ROBO2: variants seen among roughly 807,000 people sequenced by gnomAD.
The protein encoded by ROBO2 is roundabout guidance receptor 2, also known as roundabout homolog 2.
In ROBO2, 53 loss-of-function variants were observed where a neutral mutation model predicts 160.8. That is an observed-to-expected ratio of 0.33 (90% CI 0.26 to 0.41). The LOEUF is 0.41. Among genes scored for constraint, ROBO2 ranks in the 10% least tolerant of loss-of-function variants. The pLI is 1.00. For missense variants in ROBO2, 1,577 were observed against 1,722.4 expected (o/e 0.92, Z 1.49); for synonymous variants, 664 against 611.7 (o/e 1.09, Z -1.26).
At chr3:76,027,191 C>G (rs1336772578) in intron 2 of ROBO2, among the ~76,000 whole-genome samples, 1 of 151,880 alleles carries the variant, frequency 6.6e-6, no homozygotes, top group Non-Finnish European at 1.5e-5. Context: ...TCTGTAACAG[C>G]ATAAGCTGTT....
At chr3:77,524,758 A>C (rs952774598) in intron 6 of ROBO2, among the ~76,000 whole-genome samples, 2 of 151,314 alleles carry the variant, frequency 1.3e-5, no homozygotes, top group African/African-American at 4.8e-5. Context: ...AACTTACAAA[A>C]CTAATAGAGA....
intron 23 of ROBO2, among the ~76,000 whole-genome samples, chr3:77,627,738 G>A (rs1256469443): frequency 6.6e-6 from 1 of 152,118 alleles, no homozygotes; most frequent in Non-Finnish European, 1.5e-5. Flanking sequence ...TACTTAATAG[G>A]TAGACAAATA....
chr3:76,375,053 A>T (rs538935997), intron 2 of ROBO2, among the ~76,000 whole-genome samples: 178 of 151,898 alleles, frequency 1.2e-3, no homozygotes, highest in African/African-American at 4.1e-3. Flanking sequence ...TGATATCTAT[A>T]AAGAGATATT....
At chr3:75,921,875 G>A (rs1176820662) in intron 1 of ROBO2, among the ~76,000 whole-genome samples, 2 of 152,112 alleles carry the variant, frequency 1.3e-5, no homozygotes, top group African/African-American at 4.8e-5. Flanking sequence ...AATGGTATAT[G>A]TGTAGAACAA....
intron 2 of ROBO2, among the ~76,000 whole-genome samples, chr3:76,306,733 C>T (rs1054149358): frequency 6.6e-6 from 1 of 152,080 alleles, no homozygotes; most frequent in African/African-American, 2.4e-5. Context: ...CTTAAAATAC[C>T]TAGCATTTTT....
intron 2 of ROBO2, among the ~76,000 whole-genome samples, chr3:76,756,322 C>T (rs1313878141): frequency 4.6e-5 from 7 of 151,838 alleles, no homozygotes; most frequent in African/African-American, 1.4e-4. Flanking sequence ...AATATTTTTA[C>T]AGGAGGTGAA....
intron 2 of ROBO2, among the ~76,000 whole-genome samples, chr3:77,015,005 ATC>A (rs1478242101): frequency 6.6e-6 from 1 of 152,136 alleles, no homozygotes; most frequent in Non-Finnish European, 1.5e-5. Flanking sequence ...TCCTTTCTGA[ATC>A]ATATTGTTCC....
chr3:76,002,239 G>A (rs1394762861), intron 2 of ROBO2, among the ~76,000 whole-genome samples: 1 of 152,128 alleles, frequency 6.6e-6, no homozygotes, highest in Non-Finnish European at 1.5e-5. Flanking sequence ...GGAGAAATAT[G>A]GACACAGGGA....
chr3:76,103,378 G>A (rs933039766), intron 2 of ROBO2, among the ~76,000 whole-genome samples: 1 of 152,174 alleles, frequency 6.6e-6, no homozygotes, highest in Non-Finnish European at 1.5e-5. Context: ...GAAGTGTTCT[G>A]TACTTAGTAT....
At chr3:77,410,161 A>G (rs1055879482) in intron 2 of ROBO2, among the ~76,000 whole-genome samples, 1 of 152,190 alleles carries the variant, frequency 6.6e-6, no homozygotes, top group African/African-American at 2.4e-5. Flanking sequence ...ATTAACAGTG[A>G]ATAAAGAAAT....
At chr3:77,626,042 G>C (rs149528847) in intron 23 of ROBO2, among the ~76,000 whole-genome samples, 14 of 152,186 alleles carry the variant, frequency 9.2e-5, no homozygotes, top group African/African-American at 3.4e-4. Flanking sequence ...TTACTCTAAA[G>C]ACAAATTATC....
intron 2 of ROBO2, chr3:75,964,964 T>A (rs2107309301): frequency 6.6e-6 from 1 of 151,856 alleles, no homozygotes; most frequent in South Asian, 2.1e-4. Context: ...TATTTATTTA[T>A]TTTTTCTGTT....
At chr3:76,956,912 C>T (rs1053513749) in intron 2 of ROBO2, among the ~76,000 whole-genome samples, 2 of 152,068 alleles carry the variant, frequency 1.3e-5, no homozygotes, top group Admixed American at 6.6e-5. Context: ...AGGTGCTTGT[C>T]TAAACTCATC....
chr3:75,962,472 G>A (rs962177452), intron 2 of ROBO2, among the ~76,000 whole-genome samples: 3 of 151,708 alleles, frequency 2.0e-5, no homozygotes, highest in African/African-American at 7.2e-5. Context: ...TGAATCCTTT[G>A]CAAATCTTTG....
chr3:77,435,088 G>T (rs1049209052), intron 2 of ROBO2, among the ~76,000 whole-genome samples: 1 of 151,940 alleles, frequency 6.6e-6, no homozygotes, highest in South Asian at 2.1e-4. Context: ...AAACTAAGAA[G>T]TAGGTAAAAA....
intron 2 of ROBO2, among the ~76,000 whole-genome samples, chr3:76,302,837 A>G (rs1553699749): frequency 6.6e-6 from 1 of 152,090 alleles, no homozygotes; most frequent in Admixed American, 6.6e-5. Flanking sequence ...GCAATGCATG[A>G]CTGTATATAT....
intron 2 of ROBO2, among the ~76,000 whole-genome samples, chr3:76,660,526 T>C (rs1346593038): frequency 6.6e-6 from 1 of 151,952 alleles, no homozygotes; most frequent in Non-Finnish European, 1.5e-5. Context: ...CCCCAGTGGT[T>C]TTCAAGGGCA....
At chr3:77,047,213 T>A (rs2064759941) in intron 1 of ROBO2, among the ~76,000 whole-genome samples, 1 of 152,184 alleles carries the variant, frequency 6.6e-6, no homozygotes, top group African/African-American at 2.4e-5. Context: ...CAACATAGTT[T>A]GCCTGTAAGG....
intron 2 of ROBO2, among the ~76,000 whole-genome samples, chr3:76,314,462 A>G (rs1016705520): frequency 6.6e-6 from 1 of 151,998 alleles, no homozygotes; most frequent in African/African-American, 2.4e-5. Context: ...TACATATAAT[A>G]TACATATGTA....
Sources: allele counts gnomAD v4.1 joint callset (sites outside exome capture counted in the v4.1 genomes callset), GRCh38; gene constraint gnomAD v4.1.1; transcripts MANE v1.5; gene names NCBI Gene and HGNC (gene_info 2026-07-23, HGNC 2026-07-21).